Variants in MAL2 observed in about 807,000 individuals in gnomAD.
MAL2 encodes protein MAL2.
MAL2 carries 17 observed loss-of-function variants against 18.1 expected under a neutral mutation model. The observed-to-expected ratio is 0.94, with a 90% CI of 0.64 to 1.41. The LOEUF is 1.41. Among genes scored for constraint, MAL2 ranks in the 40% most tolerant of loss-of-function variants. MAL2 has a pLI of 0.00. For synonymous variants in MAL2, 102 were observed against 102.3 expected (o/e 1.00, Z 0.02); for missense variants, 222 against 231.9 (o/e 0.96, Z 0.28).
At chr8:119,229,131 A>G (rs535656694) in intron 2 of MAL2, among the ~76,000 whole-genome samples, 6 of 152,206 alleles carry the variant, frequency 3.9e-5, no homozygotes, top group Admixed American at 2.6e-4. Flanking sequence ...GCTACGTAGC[A>G]TTCTAAAGTG....
rs147273122 is a variant in MAL2, at chr8:119,245,348, C to A, written c.*1860C>A. On this transcript the variant is annotated 3_prime_UTR_variant, in exon 4 of 4. Coordinates refer to ENST00000614891, the MANE Select transcript of MAL2 (RefSeq NM_052886.3). ...TTTAGGTGTGAGATTTTTTGTTTCC[C>A]AGGTATAGCAGGCTTATGTTTGGTG... 1 of 152,442 alleles carries A rather than the reference C, an allele frequency of 6.6e-6. No individual in the cohort carries two copies. Among genetic ancestry groups the A allele is most frequent in the Admixed American group, 6.6e-5 (1 of 15,236 alleles). The allele number at this position is 152,442 out of a possible 1,614,324, so 9.4% of individuals were successfully genotyped here.
At chr8:119,223,808 T>TTTA (rs1187612886) in intron 2 of MAL2, 6 of 152,140 alleles carry the variant, frequency 3.9e-5, no homozygotes, top group Admixed American at 6.5e-5. Context: ...GGGTCTTTTT[T>TTTA]TTATTATTAT....
intron 1 of MAL2, among the ~76,000 whole-genome samples, chr8:119,213,430 A>G (rs1563768097): frequency 6.6e-6 from 1 of 152,214 alleles, no homozygotes; most frequent in Non-Finnish European, 1.5e-5. Flanking sequence ...TGCAAGAGGG[A>G]GCTGTCCATG....
In MAL2 at chr8:119,244,961, C is replaced by G. The variant is rs1818121704; in HGVS notation, c.*1473C>G. The G allele has an allele frequency of 6.6e-6, 1 of 152,308 alleles. No homozygotes were observed. The highest frequency in any genetic ancestry group is 2.1e-4 in the South Asian group (1 of 4,802). The allele number at this position is 152,308 out of a possible 1,614,324, so 9.4% of individuals were successfully genotyped here. Reference sequence around the variant, plus strand: ...TGGCTGAAGCATCCCCTTGGAGTGCCATGTATAAGTTGGGCTATTAGAGTT... The same window carrying G: ...TGGCTGAAGCATCCCCTTGGAGTGCGATGTATAAGTTGGGCTATTAGAGTT... On this transcript the variant is annotated 3_prime_UTR_variant, in exon 4 of 4. Coordinates refer to ENST00000614891, the MANE Select transcript of MAL2 (RefSeq NM_052886.3).
At chr8:119,235,104 A>T (rs1817848659) in intron 2 of MAL2, among the ~76,000 whole-genome samples, 1 of 152,098 alleles carries the variant, frequency 6.6e-6, no homozygotes, top group African/African-American at 2.4e-5. Flanking sequence ...CAATACAGAG[A>T]AGTGCTTAAA....
Position 119,208,400 on chromosome 8 carries a change from G to GGCT in MAL2, c.-71_-70insTGC. 1 of 882,548 alleles carries GGCT rather than the reference G, an allele frequency of 1.1e-6. No individual in the cohort carries two copies. The highest frequency in any genetic ancestry group is 1.4e-6 in the Non-Finnish European group (1 of 725,562). 54.7% of individuals were successfully genotyped at this position (882,548 alleles called of 1,614,324 possible). A position where few individuals can be genotyped will look rare whatever the true frequency, so the allele number is the denominator to read the frequency against. ...CGCGGAGCTGAGCGGCGGCGGCGGC[G>GGCT]GCGGCAGGAGCCCGGGAGGCGGAGG... On this transcript the variant is annotated 5_prime_UTR_variant, in exon 1 of 4. Transcript: ENST00000614891. This position sits in a 1 kb window ranked among gnomAD's most constrained non-coding sequence, Gnocchi z 4.3.
At chr8:119,224,590 A>G (rs756320022) in intron 2 of MAL2, among the ~76,000 whole-genome samples, 3 of 151,994 alleles carry the variant, frequency 2.0e-5, no homozygotes, top group Non-Finnish European at 2.9e-5. Flanking sequence ...GTTTTTTATT[A>G]CATGAATGAA....
Position 119,208,452 on chromosome 8 carries a change from C to CGCA in MAL2, c.-15_-13dup, listed in dbSNP as rs990049477. 3 of 1,200,982 alleles carry CGCA rather than the reference C, an allele frequency of 2.5e-6. No individual in the cohort carries two copies. The African/African-American group carries it at 4.8e-5, about 19-fold the overall frequency. 74.4% of individuals were successfully genotyped at this position (1,200,982 alleles called of 1,614,324 possible). ...GGGAGGCGGCGGCGGCGCGCGGAGA[C>CGCA]GCAGCAGCGGCAGCGGCAGCATGTC... On this transcript the variant is annotated 5_prime_UTR_variant, in exon 1 of 4. Transcript: ENST00000614891. The surrounding 1 kb of genome is among the most constrained non-coding windows in gnomAD (Gnocchi z 4.3).
chr8:119,225,847 G>C (rs1817584336), intron 2 of MAL2, among the ~76,000 whole-genome samples: 1 of 152,172 alleles, frequency 6.6e-6, no homozygotes, highest in Admixed American at 6.5e-5. Flanking sequence ...TTGTGGTTTT[G>C]ATTTGCATTT....
At chr8:119,237,779 G>A (rs148448733) in intron 2 of MAL2, among the ~76,000 whole-genome samples, 12,013 of 151,318 alleles carry the variant, frequency 0.079, 1,642 homozygotes, top group African/African-American at 0.26. Flanking sequence ...GGTACTGATG[G>A]GACGTATTTC....
chr8:119,230,569 T>TGGGTG (rs1277158398), intron 2 of MAL2, among the ~76,000 whole-genome samples: 1 of 151,692 alleles, frequency 6.6e-6, no homozygotes, highest in East Asian at 1.9e-4. Flanking sequence ...GAGGTGAATG[T>TGGGTG]GGGTGACATT....
chr8:119,227,709 A>T (rs1036121164), intron 2 of MAL2, among the ~76,000 whole-genome samples: 5 of 152,222 alleles, frequency 3.3e-5, no homozygotes, highest in Non-Finnish European at 7.4e-5. Flanking sequence ...CTGCAGATCC[A>T]TTTCTCCATA....
In MAL2 at chr8:119,208,439, C is replaced by G. The variant is rs1301231518; in HGVS notation, c.-34C>G. On this transcript the variant is annotated 5_prime_UTR_variant, in exon 1 of 4. Coordinates refer to ENST00000614891, the MANE Select transcript of MAL2 (RefSeq NM_052886.3). The surrounding 1 kb of genome is among the most constrained non-coding windows in gnomAD (Gnocchi z 4.3). The stretch of plus-strand genomic sequence containing the variant: ...GGGAGGCGGAGGCGGGAGGCGGCGG[C>G]GGCGCGCGGAGACGCAGCAGCGGCA... The G allele has an allele frequency of 8.7e-7, 1 of 1,146,026 alleles. No individual in the cohort carries two copies. Among genetic ancestry groups the G allele is most frequent in the Non-Finnish European group, 1.1e-6 (1 of 929,736 alleles). 71.0% of individuals were successfully genotyped at this position (1,146,026 alleles called of 1,614,324 possible).
intron 2 of MAL2, among the ~76,000 whole-genome samples, chr8:119,225,905 G>A (rs1181071655): frequency 6.6e-6 from 1 of 152,196 alleles, no homozygotes; most frequent in African/African-American, 2.4e-5. Context: ...TCTGTTGGCT[G>A]CATAAATGTC....
intron 2 of MAL2, among the ~76,000 whole-genome samples, chr8:119,225,967 G>A (rs1162129627): frequency 6.6e-6 from 1 of 152,036 alleles, no homozygotes; most frequent in Non-Finnish European, 1.5e-5. Context: ...TGATGGGGTT[G>A]TTTTTTTCTT....
chr8:119,218,190 C>T (rs1817391033), intron 1 of MAL2, among the ~76,000 whole-genome samples: 1 of 152,070 alleles, frequency 6.6e-6, no homozygotes, highest in Admixed American at 6.6e-5. Context: ...AGGGATGTAT[C>T]ATATGTATTT....
At chr8:119,221,470 T>C (rs1161754353) in intron 1 of MAL2, 117 bp from the exon 2 acceptor site, 62 of 1,225,074 alleles carry the variant, frequency 5.1e-5, no homozygotes, top group Non-Finnish European at 6.9e-5. Context: ...TGCTGGAATA[T>C]GTGCAGGGGT....
rs1228863832 is a variant in MAL2 at position 119,243,639 on chromosome 8, T to TCA, written c.*152_*153dup. On this transcript the variant is annotated 3_prime_UTR_variant, in exon 4 of 4. Coordinates refer to ENST00000614891, the MANE Select transcript of MAL2 (RefSeq NM_052886.3). Reference sequence around the variant, plus strand: ...CTCTAAGCTCAAGTTCTGGTTTATTTCATGGATGGAATGTTAATTTTATTA... The same window carrying TCA: ...CTCTAAGCTCAAGTTCTGGTTTATTTCACATGGATGGAATGTTAATTTTATTA... 77 of 488,246 alleles carry TCA rather than the reference T, an allele frequency of 1.6e-4. No individual in the cohort carries two copies. The highest frequency in any genetic ancestry group is 2.7e-5 in the Non-Finnish European group (8 of 291,038). 30.2% of individuals were successfully genotyped at this position (488,246 alleles called of 1,614,324 possible). A position where few individuals can be genotyped will look rare whatever the true frequency, so the allele number is the denominator to read the frequency against.
rs376864059 is a variant in MAL2 at position 119,223,543 on chromosome 8, G to GCTACT, written c.303+1790_303+1794dup. 6.5e-3 allele frequency among the ~76,000 whole-genome samples: 989 copies of GCTACT among 152,246 alleles called. 8 individuals are homozygous for GCTACT. The highest frequency in any genetic ancestry group is 0.023 in the African/African-American group (940 of 41,534). On this transcript the variant is annotated intron_variant, in intron 2 of 3. Coordinates refer to ENST00000614891, the MANE Select transcript of MAL2 (RefSeq NM_052886.3). ...TAAGCGTTTCTGTTGTTTTAATTGT[G>GCTACT]CTACTCTATGAAAGTGACAGCTGAA...
Sources: gnomAD v4.1 joint callset for allele counts (sites outside exome capture counted in the v4.1 genomes callset) on GRCh38, gnomAD v4.1.1 for gene constraint, Gnocchi (gnomAD v3.1) non-coding constraint, MANE v1.5 for transcripts, NCBI Gene and HGNC (gene_info 2026-07-23, HGNC 2026-07-21) for gene names.